Variants in NLGN1 observed in about 807,000 individuals in gnomAD.
NLGN1 encodes neuroligin 1.
NLGN1 carries 12 observed loss-of-function variants against 65.5 expected under a neutral mutation model. The observed-to-expected ratio is 0.18, with a 90% CI of 0.12 to 0.30. The LOEUF is 0.30. Ranked by LOEUF, NLGN1 falls within the 10% of genes least tolerant of loss-of-function variation. The pLI, the probability that NLGN1 is intolerant of heterozygous loss-of-function variation, is 1.00. For missense variants in NLGN1, 750 were observed against 1,007.1 expected (o/e 0.74, Z 3.46); for synonymous variants, 350 against 359.5 (o/e 0.97, Z 0.30).
intron 4 of NLGN1, among the ~76,000 whole-genome samples, chr3:174,163,816 C>T (rs1000913814): frequency 2.6e-5 from 4 of 152,066 alleles, no homozygotes; most frequent in African/African-American, 4.8e-5. Context: ...ACCATGTTTT[C>T]GTTATCCAGT....
At chr3:174,085,782 A>C (rs1245751669) in intron 4 of NLGN1, among the ~76,000 whole-genome samples, 2 of 152,058 alleles carry the variant, frequency 1.3e-5, no homozygotes. Context: ...TGGCAGCAAA[A>C]AGATTTAAAA....
At chr3:173,986,979 A>G (rs1049865437) in intron 4 of NLGN1, among the ~76,000 whole-genome samples, 27 of 152,208 alleles carry the variant, frequency 1.8e-4, no homozygotes, top group African/African-American at 6.0e-4. Context: ...AGCCATAATA[A>G]GCAGAGACTG....
At chr3:173,918,356 G>A (rs898992262) in intron 4 of NLGN1, among the ~76,000 whole-genome samples, 1 of 152,036 alleles carries the variant, frequency 6.6e-6, no homozygotes, top group Non-Finnish European at 1.5e-5. Context: ...CATAGAATGG[G>A]CCGGGCGCGG....
chr3:173,934,380 A>G (rs569564369), intron 4 of NLGN1, among the ~76,000 whole-genome samples: 2 of 151,360 alleles, frequency 1.3e-5, no homozygotes, highest in Non-Finnish European at 1.5e-5. Flanking sequence ...ATTTTGTTTT[A>G]TGAAGCGGTT....
chr3:174,001,170 G>A (rs1723219186), intron 4 of NLGN1, among the ~76,000 whole-genome samples: 1 of 152,094 alleles, frequency 6.6e-6, no homozygotes, highest in African/African-American at 2.4e-5. Flanking sequence ...GAGCAAAATT[G>A]AAATGGGTTT....
In NLGN1 at chr3:174,153,507, A is replaced by T. The variant is rs573472150; in HGVS notation, c.647-121808A>T. Among the ~76,000 whole-genome samples, 235 of 152,274 alleles carry T rather than the reference A, an allele frequency of 1.5e-3. 1 individual carries two copies. The highest frequency in any genetic ancestry group is 5.4e-3 in the African/African-American group (225 of 41,560). On this transcript the variant is annotated intron_variant, in intron 4 of 6. Coordinates refer to ENST00000457714, the Ensembl canonical transcript of NLGN1. The stretch of plus-strand genomic sequence containing the variant: ...GTCTTGAGCATTATCTTGGTTTCTA[A>T]CATCAACCCTACAACTTAATAATCA...
At chr3:173,496,674 A>T (rs1408860901) in intron 2 of NLGN1, among the ~76,000 whole-genome samples, 1 of 151,878 alleles carries the variant, frequency 6.6e-6, no homozygotes. Flanking sequence ...AATGTGGTTG[A>T]TGGAGAGACA....
rs188894788 is a variant in NLGN1 at position 173,974,879 on chromosome 3, A to C, written c.646+167047A>C. Reference sequence around the variant, plus strand: ...GATGGATGAAACTAGAAGTAAAGCCATGGGTCATAAATCATAAATATTAGG... The same window carrying C: ...GATGGATGAAACTAGAAGTAAAGCCCTGGGTCATAAATCATAAATATTAGG... On this transcript the variant is annotated intron_variant, in intron 4 of 6. Transcript: ENST00000457714. Among the ~76,000 whole-genome samples, 31 of 152,216 alleles carry C rather than the reference A, an allele frequency of 2.0e-4. No individual in the cohort carries two copies. The East Asian group carries it at 5.8e-3, about 28-fold the overall frequency.
At chr3:173,979,775 A>G (rs1029831022) in intron 4 of NLGN1, among the ~76,000 whole-genome samples, 6 of 152,106 alleles carry the variant, frequency 3.9e-5, no homozygotes, top group African/African-American at 1.2e-4. Flanking sequence ...CTATCACCAT[A>G]TCGTGTTATT....
chr3:173,674,285 A>T (rs1762833423), intron 3 of NLGN1, among the ~76,000 whole-genome samples: 1 of 152,224 alleles, frequency 6.6e-6, no homozygotes, highest in East Asian at 1.9e-4. Flanking sequence ...GGCCTTGTCT[A>T]AAATTTTGTT....
chr3:173,463,137 T>C (rs940318442), intron 2 of NLGN1, among the ~76,000 whole-genome samples: 2 of 152,162 alleles, frequency 1.3e-5, no homozygotes, highest in African/African-American at 2.4e-5. Context: ...TAGAGATCAG[T>C]AGGGCATGCT....
chr3:173,695,731 G>T (rs1025595121), intron 3 of NLGN1, among the ~76,000 whole-genome samples: 1 of 152,002 alleles, frequency 6.6e-6, no homozygotes, highest in Admixed American at 6.6e-5. Context: ...ACCTTATTAC[G>T]ATCACTTCTT....
At position 173,787,443 on chromosome 3, in the gene NLGN1, A is replaced by G. The variant is rs758257675; in HGVS notation, c.494-20237A>G. On this transcript the variant is annotated intron_variant, in intron 3 of 6. Coordinates refer to ENST00000457714, the Ensembl canonical transcript of NLGN1. ...CTGGAGACTAAATGGAAATGCATTT[A>G]TATTGGTAAAGATATTTTTCTTCAA... 7.2e-5 allele frequency among the ~76,000 whole-genome samples: 11 copies of G among 152,346 alleles called. No individual in the cohort carries two copies. The South Asian group carries it at 1.9e-3, about 26-fold the overall frequency.
chr3:173,690,425 A>G (rs565285183), intron 3 of NLGN1, among the ~76,000 whole-genome samples: 1 of 152,254 alleles, frequency 6.6e-6, no homozygotes, highest in East Asian at 1.9e-4. Flanking sequence ...ATCTAGAAAT[A>G]AGCTGTCAGC....
intron 4 of NLGN1, among the ~76,000 whole-genome samples, chr3:173,935,876 G>A (rs1579284953): frequency 6.6e-6 from 1 of 151,914 alleles, no homozygotes; most frequent in African/African-American, 2.4e-5. Flanking sequence ...TATCATGAGG[G>A]AAGTTGATAG....
At chr3:173,687,535 T>A (rs577620828) in intron 3 of NLGN1, among the ~76,000 whole-genome samples, 10 of 152,302 alleles carry the variant, frequency 6.6e-5, no homozygotes, top group African/African-American at 2.4e-4. Flanking sequence ...TTACTCTTGA[T>A]ACAATTGTGA....
At chr3:173,847,919 A>G (rs1244712002) in intron 4 of NLGN1, among the ~76,000 whole-genome samples, 1 of 152,224 alleles carries the variant, frequency 6.6e-6, no homozygotes, top group Non-Finnish European at 1.5e-5. Flanking sequence ...AATGTACTAT[A>G]TTTTGAAATT....
intron 3 of NLGN1, among the ~76,000 whole-genome samples, chr3:173,731,331 G>C (rs2150056848): frequency 6.6e-6 from 1 of 152,100 alleles, no homozygotes; most frequent in South Asian, 2.1e-4. Context: ...TTATAATTTT[G>C]TTTCTAATAT....
chr3:173,837,859 G>T (rs1286970295), intron 4 of NLGN1, among the ~76,000 whole-genome samples: 1 of 152,218 alleles, frequency 6.6e-6, no homozygotes, highest in African/African-American at 2.4e-5. Flanking sequence ...ACTGTATGCA[G>T]TTCTGGTGGG....
Sources: allele counts gnomAD v4.1 joint callset (sites outside exome capture counted in the v4.1 genomes callset), GRCh38; gene constraint gnomAD v4.1.1; transcripts MANE v1.5; gene names NCBI Gene and HGNC (gene_info 2026-07-23, HGNC 2026-07-21).